TAF4B: variants seen among roughly 807,000 people sequenced by gnomAD.
TAF4B encodes the protein TATA-box binding protein associated factor 4b.
Under a neutral mutation model 86.4 loss-of-function variants are expected in TAF4B, and 38 were observed. The observed-to-expected ratio is 0.44, with a 90% confidence interval of 0.34 to 0.58. TAF4B has a LOEUF of 0.58. Ranked by LOEUF, TAF4B falls within the 20% of genes least tolerant of loss-of-function variation. TAF4B has a pLI of 0.02. For missense variants in TAF4B, 988 were observed against 1,027.6 expected (o/e 0.96, Z 0.53); for synonymous variants, 388 against 391.2 (o/e 0.99, Z 0.10).
At chr18:26,307,091 A>G (rs1200285379) in intron 9 of TAF4B, among the ~76,000 whole-genome samples, 1 of 152,076 alleles carries the variant, frequency 6.6e-6, no homozygotes, top group Admixed American at 6.6e-5. Context: ...GCCCAGCCTT[A>G]CTTCAGTTAC....
chr18:26,342,022 T>A (rs1314899098), intron 13 of TAF4B, among the ~76,000 whole-genome samples: 1 of 152,188 alleles, frequency 6.6e-6, no homozygotes, highest in Admixed American at 6.5e-5. Flanking sequence ...TAGAGTTTGA[T>A]CCATGAAATT....
At chr18:26,274,504 C>G (rs2056358803) in intron 3 of TAF4B, among the ~76,000 whole-genome samples, 159 bp from the exon 4 acceptor site, 1 of 152,138 alleles carries the variant, frequency 6.6e-6, no homozygotes, top group African/African-American at 2.4e-5. Context: ...ATCTGCTAGA[C>G]TCAAGAGTTC....
Position 26,274,840 on chromosome 18 carries a change from C to G in TAF4B, c.759+16C>G, listed in dbSNP as rs753389891. 6 of 1,614,124 alleles carry G rather than the reference C, an allele frequency of 3.7e-6. No individual in the cohort carries two copies. Among genetic ancestry groups the G allele is most frequent in the Non-Finnish European group, 5.1e-6 (6 of 1,179,970 alleles). On this transcript the variant is annotated intron_variant, in intron 4 of 14. Transcript: ENST00000269142. Reference sequence around the variant, plus strand: ...TCTTTCTCCGGTAAGCTCTTACTTGCACCTTACATAAATCTTGTTCCTTGC... The same window carrying G: ...TCTTTCTCCGGTAAGCTCTTACTTGGACCTTACATAAATCTTGTTCCTTGC...
chr18:26,364,511 G>A (rs1438830183), intron 14 of TAF4B, among the ~76,000 whole-genome samples: 2 of 152,004 alleles, frequency 1.3e-5, no homozygotes, highest in African/African-American at 4.8e-5. Flanking sequence ...GGGTTCTTTG[G>A]AATTTTAAAA....
chr18:26,371,021 T>G (rs1351768311), intron 14 of TAF4B, among the ~76,000 whole-genome samples: 1 of 152,164 alleles, frequency 6.6e-6, no homozygotes, highest in Non-Finnish European at 1.5e-5. Flanking sequence ...TTATCAAAGC[T>G]GTGAGAAATA....
intron 1 of TAF4B, chr18:26,255,669 G>C: frequency 7.8e-7 from 1 of 1,276,022 alleles, no homozygotes; most frequent in Non-Finnish European, 1.1e-6. Flanking sequence ...GGTTTTTTTT[G>C]TTCCCCTTCT....
intron 1 of TAF4B, among the ~76,000 whole-genome samples, chr18:26,236,738 A>G (rs1281367195): frequency 6.6e-6 from 1 of 151,870 alleles, no homozygotes; most frequent in East Asian, 1.9e-4. Flanking sequence ...CCTTTCTCTT[A>G]CCTTGCTTTT....
Position 26,286,341 on chromosome 18 carries a change from G to T in TAF4B, c.1432G>T (p.Ala478Ser). 1 of 1,614,236 alleles carries T rather than the reference G, an allele frequency of 6.2e-7. No homozygotes were observed. Among genetic ancestry groups the T allele is most frequent in the African/African-American group, 1.3e-5 (1 of 75,070 alleles). Reference protein sequence around the residue: ...AVTFGETSGAAICLPSVKPVV... With the variant: ...AVTFGETSGASICLPSVKPVV... ...AACTTTTGGAGAAACTTCAGGTGCAGCTATTTGTCTTCCATCTGTGAAACC... is the reference window on the plus strand; with the variant it reads ...AACTTTTGGAGAAACTTCAGGTGCATCTATTTGTCTTCCATCTGTGAAACC... Residue 478 changes from alanine to serine, a missense_variant, in exon 7 of 15, where the codon GCT becomes TCT. Around this residue, in one of 3 missense-constraint regions of TAF4B, gnomAD observed 747 missense variants for 737.9 expected, o/e 1.01. Coordinates refer to ENST00000269142, the MANE Select transcript of TAF4B (RefSeq NM_005640.3).
At chr18:26,356,159 C>T (rs1048778624) in intron 13 of TAF4B, among the ~76,000 whole-genome samples, 6 of 152,034 alleles carry the variant, frequency 3.9e-5, no homozygotes, top group African/African-American at 1.4e-4. Context: ...TGGTTAGAGC[C>T]TACTTGCGCA....
In TAF4B at chr18:26,363,706, T is replaced by C. The variant is rs555576192; in HGVS notation, c.2421+5912T>C. On this transcript the variant is annotated intron_variant, in intron 14 of 14. Transcript: ENST00000269142. ...AACACAAAAATGATGTATGAAACCA[T>C]TTTTACTTTCAATATTCTGTACTCT... Among the ~76,000 whole-genome samples, 201 of 152,364 alleles carry C rather than the reference T, an allele frequency of 1.3e-3. 1 individual carries two copies. Among genetic ancestry groups the C allele is most frequent in the Non-Finnish European group, 2.3e-3 (159 of 68,030 alleles).
At position 26,247,866 on chromosome 18, in the gene TAF4B, ACT is replaced by A. The variant is rs375416249; in HGVS notation, c.344-17301_344-17300del. ...ACTCCAGCCTGGGCAACAGAACAAGACTCTGTCTCAAAAAAAAGTAAAAAAAA... is the reference window on the plus strand; with the variant it reads ...ACTCCAGCCTGGGCAACAGAACAAGACTGTCTCAAAAAAAAGTAAAAAAAA... On this transcript the variant is annotated intron_variant, in intron 1 of 14. Transcript: ENST00000269142. Among the ~76,000 whole-genome samples, 129 of 151,100 alleles carry A rather than the reference ACT, an allele frequency of 8.5e-4. 1 individual carries two copies. The highest frequency in any genetic ancestry group is 3.0e-3 in the African/African-American group (122 of 41,140).
chr18:26,287,566 TA>T (rs2056540509), intron 7 of TAF4B, among the ~76,000 whole-genome samples: 1 of 152,358 alleles, frequency 6.6e-6, no homozygotes, highest in Admixed American at 6.5e-5. Context: ...TCATGGGAGA[TA>T]CTACATGATG....
At chr18:26,256,800 A>G (rs1598731352) in intron 1 of TAF4B, among the ~76,000 whole-genome samples, 1 of 142,478 alleles carries the variant, frequency 7.0e-6, no homozygotes, top group African/African-American at 2.6e-5. Flanking sequence ...TATTATGCAC[A>G]TATTTGGGAG....
Position 26,308,179 on chromosome 18 carries a change from C to T in TAF4B, c.1833-7050C>T, listed in dbSNP as rs200554090. Among the ~76,000 whole-genome samples the T allele has an allele frequency of 3.2e-4, 49 of 152,010 alleles. 1 individual carries two copies. In the East Asian group the frequency reaches 4.4e-3, roughly 14 times the overall value. On this transcript the variant is annotated intron_variant, in intron 9 of 14. Coordinates refer to ENST00000269142, the MANE Select transcript of TAF4B (RefSeq NM_005640.3). ...TGAGGCGGGAGAATGACCTGAGCTC[C>T]GGAAGTGAAGGCTGCAGAAAGGTGA...
At chr18:26,268,932 C>T (rs2056277515) in intron 3 of TAF4B, among the ~76,000 whole-genome samples, 1 of 152,174 alleles carries the variant, frequency 6.6e-6, no homozygotes, top group Non-Finnish European at 1.5e-5. Flanking sequence ...CAGTGATTCT[C>T]CTGCCTCAGC....
chr18:26,269,064 C>T (rs1316975655), intron 3 of TAF4B, among the ~76,000 whole-genome samples: 7 of 152,226 alleles, frequency 4.6e-5, no homozygotes, highest in South Asian at 2.1e-4. Context: ...CCAAGTAATC[C>T]GCCTACCTCA....
chr18:26,294,713 A>G (rs558455508), intron 9 of TAF4B, among the ~76,000 whole-genome samples: 13 of 150,076 alleles, frequency 8.7e-5, no homozygotes, highest in African/African-American at 2.9e-4. Context: ...TAACATTTGT[A>G]TATATAGAAA....
In TAF4B at chr18:26,383,727, AG is replaced by A. The variant is rs1978305425; in HGVS notation, c.2422-6117del. On this transcript the variant is annotated intron_variant, in intron 14 of 14. Transcript: ENST00000269142. ...GTCACATCAGTGTTTTCTTCTGTAA[AG>A]TACTATTGAAACATAGACATTTAGG... Among the ~76,000 whole-genome samples the A allele has an allele frequency of 3.9e-5, 6 of 152,234 alleles. No homozygotes were observed. In the South Asian group the frequency reaches 1.0e-3, roughly 26 times the overall value.
In TAF4B at chr18:26,267,632, T is replaced by C; in HGVS notation, c.597+9T>C. 6.3e-7 allele frequency: 1 copy of C among 1,588,124 alleles called. No homozygotes were observed. Among genetic ancestry groups the C allele is most frequent in the Non-Finnish European group, 8.6e-7 (1 of 1,156,600 alleles). ...AGCCTTCCTCAGTACAAGTAAGTTG[T>C]GCTGGCCATTCGTGCACTTGTTGTT... is the stretch of plus-strand genomic sequence containing the variant. On this transcript the variant is annotated intron_variant, in intron 3 of 14. Coordinates refer to ENST00000269142, the MANE Select transcript of TAF4B (RefSeq NM_005640.3).
Sources: gnomAD v4.1 joint callset for allele counts (sites outside exome capture counted in the v4.1 genomes callset) on GRCh38, gnomAD v4.1.1 for gene constraint, gnomAD v4.1.1 regional missense constraint, MANE v1.5 for transcripts, NCBI Gene and HGNC (gene_info 2026-07-23, HGNC 2026-07-21) for gene names.